The following MACROD2 variants were observed in gnomAD, a reference collection of about 807,000 sequenced individuals.
The protein encoded by MACROD2 is ADP-ribose glycohydrolase MACROD2.
A neutral mutation model predicts 70.4 loss-of-function variants in MACROD2; 36 were observed. The ratio of observed to expected loss-of-function variants is 0.51; its 90% CI spans 0.39 to 0.68. The LOEUF (loss-of-function observed/expected upper bound fraction) is 0.68, where lower values mean the gene tolerates loss of function less well. Ranked by LOEUF, MACROD2 falls within the 30% of genes least tolerant of loss-of-function variation. MACROD2 has a pLI of 0.00. For synonymous variants in MACROD2, 172 were observed against 178.8 expected (o/e 0.96, Z 0.30); for missense variants, 496 against 538.4 (o/e 0.92, Z 0.78).
At position 15,231,485 on chromosome 20, in the gene MACROD2, G is replaced by C. The variant is rs148748720; in HGVS notation, c.540+1424G>C. On this transcript the variant is annotated intron_variant, in intron 6 of 17. Transcript: ENST00000684519. Reference sequence around the variant, plus strand: ...GCTTGGAAAATGGATATGTAGAGAAGTTTCCAACTTGGAAAATATGGATTT... The same window carrying C: ...GCTTGGAAAATGGATATGTAGAGAACTTTCCAACTTGGAAAATATGGATTT... 1.3e-3 allele frequency among the ~76,000 whole-genome samples: 205 copies of C among 152,182 alleles called. 1 individual carries two copies. Among genetic ancestry groups the C allele is most frequent in the African/African-American group, 4.8e-3 (200 of 41,588 alleles).
Position 14,439,809 on chromosome 20 carries a change from G to A in MACROD2, c.272-53670G>A, listed in dbSNP as rs112276174. Among the ~76,000 whole-genome samples, 51 of 152,292 alleles carry A rather than the reference G, an allele frequency of 3.3e-4. 1 individual carries two copies. The highest frequency in any genetic ancestry group is 1.2e-3 in the African/African-American group (49 of 41,556). On this transcript the variant is annotated intron_variant, in intron 3 of 17. Transcript: ENST00000684519. ...TATTAGTTCTGCAAATTAATTAATG[G>A]AGTGAAAAGGTTTTTTGTTTTGTTT...
At chr20:15,654,331 A>G (rs2049694035) in intron 8 of MACROD2, among the ~76,000 whole-genome samples, 1 of 152,120 alleles carries the variant, frequency 6.6e-6, no homozygotes, top group Non-Finnish European at 1.5e-5. Flanking sequence ...AGCTCCCCCT[A>G]GAGTTTAAAA....
intron 12 of MACROD2, among the ~76,000 whole-genome samples, chr20:15,947,263 A>G (rs992797459): frequency 6.6e-6 from 1 of 151,976 alleles, no homozygotes. Flanking sequence ...GGGCTGGGGG[A>G]TGGTCAGGTC....
intron 3 of MACROD2, chr20:14,337,393 A>T: frequency 5.7e-6 from 2 of 353,084 alleles, no homozygotes; most frequent in Non-Finnish European, 1.0e-5. Flanking sequence ...AAAAACATGG[A>T]AAACACTTAC....
chr20:15,060,698 T>A (rs1243706257), intron 5 of MACROD2, among the ~76,000 whole-genome samples: 1 of 152,198 alleles, frequency 6.6e-6, no homozygotes, highest in Non-Finnish European at 1.5e-5. Flanking sequence ...TGAAGCCCAG[T>A]TTCTCTGGAC....
chr20:14,811,669 G>T (rs1196010766), intron 5 of MACROD2, among the ~76,000 whole-genome samples: 1 of 151,938 alleles, frequency 6.6e-6, no homozygotes, highest in African/African-American at 2.4e-5. Flanking sequence ...GAAAAGTTTT[G>T]CAATCCATCC....
chr20:15,009,120 G>A (rs1475971602), intron 5 of MACROD2, among the ~76,000 whole-genome samples: 1 of 152,070 alleles, frequency 6.6e-6, no homozygotes, highest in Non-Finnish European at 1.5e-5. Context: ...GACAAAAGGA[G>A]GTACTACAGG....
At chr20:15,266,081 G>A (rs1439475979) in intron 6 of MACROD2, among the ~76,000 whole-genome samples, 1 of 152,168 alleles carries the variant, frequency 6.6e-6, no homozygotes, top group Non-Finnish European at 1.5e-5. Context: ...TTAAGACTTT[G>A]CTTGTAAATA....
At chr20:15,963,491 G>C (rs142305522) in intron 12 of MACROD2, among the ~76,000 whole-genome samples, 1 of 152,222 alleles carries the variant, frequency 6.6e-6, no homozygotes, top group Non-Finnish European at 1.5e-5. Flanking sequence ...CAGTTGGATT[G>C]TCCCTCTCAT....
intron 3 of MACROD2, among the ~76,000 whole-genome samples, chr20:14,241,228 T>C (rs1319773878): frequency 6.6e-6 from 1 of 152,242 alleles, no homozygotes; most frequent in East Asian, 1.9e-4. Flanking sequence ...GCATATTAAC[T>C]AGCATAATCT....
chr20:15,347,687 T>C (rs537395459), intron 6 of MACROD2, among the ~76,000 whole-genome samples: 4 of 152,316 alleles, frequency 2.6e-5, no homozygotes, highest in African/African-American at 9.6e-5. Context: ...TATAATGTAA[T>C]ACAGTATAAT....
chr20:15,878,396 GT>G (rs1439723930), intron 9 of MACROD2, among the ~76,000 whole-genome samples: 1 of 152,098 alleles, frequency 6.6e-6, no homozygotes. Context: ...CACCTGGAGG[GT>G]CCTTTCCCCA....
At chr20:15,313,273 G>A (rs760130871) in intron 6 of MACROD2, among the ~76,000 whole-genome samples, 2 of 152,022 alleles carry the variant, frequency 1.3e-5, no homozygotes, top group Admixed American at 6.6e-5. Context: ...TTGGGAGGCC[G>A]AGGCGGGTGG....
intron 6 of MACROD2, among the ~76,000 whole-genome samples, chr20:15,421,769 TC>T (rs2046231937): frequency 6.6e-6 from 1 of 152,192 alleles, no homozygotes; most frequent in Admixed American, 6.6e-5. Flanking sequence ...GCAAAGGTCT[TC>T]CTGGGAGTTT....
chr20:14,546,945 A>G (rs1463168044), intron 4 of MACROD2, among the ~76,000 whole-genome samples: 2 of 151,974 alleles, frequency 1.3e-5, no homozygotes, highest in Non-Finnish European at 2.9e-5. Flanking sequence ...TTCAAGATCT[A>G]AATACAATTA....
chr20:15,302,784 C>T (rs921226398), intron 6 of MACROD2, among the ~76,000 whole-genome samples: 3 of 152,192 alleles, frequency 2.0e-5, no homozygotes, highest in African/African-American at 7.2e-5. Context: ...ATGAGTAGCT[C>T]TTCCTCAAAG....
chr20:15,836,273 G>T (rs894743399), intron 8 of MACROD2, among the ~76,000 whole-genome samples: 3 of 152,114 alleles, frequency 2.0e-5, no homozygotes, highest in Non-Finnish European at 4.4e-5. Context: ...AATCAGATTG[G>T]CCATGGAATG....
chr20:14,214,279 C>G (rs995237897), intron 3 of MACROD2, among the ~76,000 whole-genome samples: 2 of 152,104 alleles, frequency 1.3e-5, no homozygotes, highest in Admixed American at 6.6e-5. Context: ...TGCCTTCAGG[C>G]TAAAAGGCAT....
At position 14,084,061 on chromosome 20, in the gene MACROD2, C is replaced by CAAAAAAA. The variant is rs1211049702; in HGVS notation, c.164-1557_164-1551dup. The stretch of plus-strand genomic sequence containing the variant: ...TGGGCGTCAGAGCGAGACTCCGTCT[C>CAAAAAAA]AAAAAAAAACAAAAAACAAACAAAA... On this transcript the variant is annotated intron_variant, in intron 2 of 17. Transcript: ENST00000684519. Among the ~76,000 whole-genome samples the CAAAAAAA allele has an allele frequency of 9.1e-3, 544 of 59,832 alleles. 165 individuals are homozygous for CAAAAAAA. Among genetic ancestry groups the CAAAAAAA allele is most frequent in the Middle Eastern group, 0.028 (1 of 36 alleles). 39.3% of individuals were successfully genotyped at this position (59,832 alleles called of 152,430 possible).
Sources: gnomAD v4.1 joint callset for allele counts (sites outside exome capture counted in the v4.1 genomes callset) on GRCh38, gnomAD v4.1.1 for gene constraint, MANE v1.5 for transcripts, NCBI Gene and HGNC (gene_info 2026-07-23, HGNC 2026-07-21) for gene names.